Variants in NTF3 observed in about 807,000 individuals in gnomAD.
NTF3 encodes the protein neurotrophin-3.
In NTF3, 8 loss-of-function variants were observed where a neutral mutation model predicts 26.3. The ratio of observed to expected loss-of-function variants is 0.30; its 90% CI spans 0.18 to 0.55. The LOEUF is 0.55. Among genes scored for constraint, NTF3 ranks in the 20% least tolerant of loss-of-function variants. The probability of loss-of-function intolerance (pLI) is 0.93; values close to 1 mark genes in which losing one functional copy is unlikely to be tolerated. For missense variants in NTF3, 276 were observed against 352.9 expected, an observed-to-expected ratio of 0.78 and a Z score of 1.75; for synonymous variants, 154 against 145.5, an observed-to-expected ratio of 1.06 and a Z score of -0.42.
intron 1 of NTF3, among the ~76,000 whole-genome samples, chr12:5,438,459 G>T (rs1004129624): frequency 1.3e-5 from 2 of 152,186 alleles, no homozygotes; most frequent in Admixed American, 6.5e-5. Flanking sequence ...TGACCGTGAT[G>T]TCATTGAAAC....
intron 1 of NTF3, among the ~76,000 whole-genome samples, chr12:5,452,664 T>C (rs945591480): frequency 6.6e-6 from 1 of 152,108 alleles, no homozygotes; most frequent in African/African-American, 2.4e-5. Flanking sequence ...CAGCTCTGAG[T>C]GGGGAGCCGG....
At chr12:5,441,694 A>G (rs1456055150) in intron 1 of NTF3, among the ~76,000 whole-genome samples, 3 of 152,214 alleles carry the variant, frequency 2.0e-5, no homozygotes. Flanking sequence ...ATGCGTGACC[A>G]GCCATTGTGA....
intron 1 of NTF3, among the ~76,000 whole-genome samples, chr12:5,486,683 T>C (rs1206565975): frequency 6.6e-6 from 1 of 152,230 alleles, no homozygotes; most frequent in Non-Finnish European, 1.5e-5. Context: ...CAGCTGCCTA[T>C]GTCGCTGAAG....
intron 1 of NTF3, among the ~76,000 whole-genome samples, chr12:5,434,472 AGTGTGTGT>A (rs59874216): frequency 4.3e-4 from 61 of 142,786 alleles, no homozygotes; most frequent in Admixed American, 3.0e-3. Context: ...GTTTTTCCAA[AGTGTGTGT>A]GTGTGTGTGT....
intron 1 of NTF3, among the ~76,000 whole-genome samples, chr12:5,442,494 G>A (rs1293462232): frequency 6.6e-6 from 1 of 152,064 alleles, no homozygotes; most frequent in Non-Finnish European, 1.5e-5. Context: ...GCATGGTGGG[G>A]GTGAGTCCAC....
At position 5,494,793 on chromosome 12, in the gene NTF3, G is replaced by T; in HGVS notation, c.618G>T (p.Thr206=). 1 of 1,614,116 alleles carries T rather than the reference G, an allele frequency of 6.2e-7. No individual in the cohort carries two copies. Among genetic ancestry groups the T allele is most frequent in the Non-Finnish European group, 8.5e-7 (1 of 1,180,020 alleles). Residue 206 remains threonine, a synonymous_variant, in exon 2 of 2, where the codon ACG becomes ACT. Transcript: ENST00000423158. The surrounding 1 kb of genome is among the most constrained non-coding windows in gnomAD (Gnocchi z 8.3). Reference sequence around the variant, plus strand: ...CCGTCAAACAATATTTTTATGAAACGCGATGTAAGGAAGCCAGGCCGGTCA... The same window carrying T: ...CCGTCAAACAATATTTTTATGAAACTCGATGTAAGGAAGCCAGGCCGGTCA... ...NSPVKQYFYE[T]RCKEARPVKN...
chr12:5,480,355 G>C (rs1940774149), intron 1 of NTF3, among the ~76,000 whole-genome samples: 1 of 152,204 alleles, frequency 6.6e-6, no homozygotes, highest in Non-Finnish European at 1.5e-5. Context: ...CGGGAGGAGG[G>C]GGAGCTGGGT....
At chr12:5,435,015 C>T (rs1441279742) in intron 1 of NTF3, among the ~76,000 whole-genome samples, 1 of 152,048 alleles carries the variant, frequency 6.6e-6, no homozygotes, top group Admixed American at 6.5e-5. Context: ...GTTTGCCTCC[C>T]CCCTCCTTCC....
In NTF3 at chr12:5,494,387, A is replaced by G; in HGVS notation, c.212A>G (p.Asn71Ser). The part of the protein sequence containing the change: ...LSKQMVDVKE[N>S]YQSTLPKAEA... The stretch of plus-strand genomic sequence containing the variant: ...AAGCAGATGGTGGACGTTAAGGAAA[A>G]TTACCAGAGCACCCTGCCCAAAGCT... Residue 71 changes from asparagine to serine, a missense_variant, in exon 2 of 2, where the codon AAT becomes AGT. This residue lies in a region of NTF3 where 221 missense variants were observed against 258.2 expected (regional missense o/e 0.86). Coordinates refer to ENST00000423158, the MANE Select transcript of NTF3 (RefSeq NM_001102654.2). This position sits in a 1 kb window ranked among gnomAD's most constrained non-coding sequence, Gnocchi z 8.3. 6.2e-7 allele frequency: 1 copy of G among 1,613,956 alleles called. No individual in the cohort carries two copies.
chr12:5,494,716 A>G lies in NTF3; in HGVS notation c.541A>G (p.Ile181Val). ...WVTDKSSAID[I>V]RGHQVTVLGE... ...GACCGACAAGTCATCGGCCATCGAC[A>G]TTCGGGGACACCAGGTCACGGTGCT... Residue 181 changes from isoleucine to valine, a missense_variant, in exon 2 of 2, where the codon ATT becomes GTT. By Grantham distance (29) the Ile-to-Val change is conservative. Transcript: ENST00000423158. This position sits in a 1 kb window ranked among gnomAD's most constrained non-coding sequence, Gnocchi z 8.3. 1 of 1,614,192 alleles carries G rather than the reference A, an allele frequency of 6.2e-7. No individual in the cohort carries two copies. Among genetic ancestry groups the G allele is most frequent in the Non-Finnish European group, 8.5e-7 (1 of 1,180,040 alleles).
chr12:5,439,527 CA>C (rs1940212354), intron 1 of NTF3, among the ~76,000 whole-genome samples: 1 of 152,170 alleles, frequency 6.6e-6, no homozygotes, highest in Admixed American at 6.5e-5. Flanking sequence ...ATGTGCAAGA[CA>C]AATGTTTAGG....
intron 1 of NTF3, among the ~76,000 whole-genome samples, chr12:5,455,471 A>G (rs1940431707): frequency 6.6e-6 from 1 of 151,032 alleles, no homozygotes; most frequent in African/African-American, 2.4e-5. Flanking sequence ...CTTGGACTCC[A>G]GGAGTCCTGT....
chr12:5,448,055 C>A (rs1347689983), intron 1 of NTF3, among the ~76,000 whole-genome samples: 4 of 152,228 alleles, frequency 2.6e-5, no homozygotes. Context: ...CCTACTTCGT[C>A]CCCAGCTGCT....
Position 5,444,450 on chromosome 12 carries a change from G to T in NTF3, c.18+12108G>T, listed in dbSNP as rs145944522. Among the ~76,000 whole-genome samples, 24 of 152,332 alleles carry T rather than the reference G, an allele frequency of 1.6e-4. No homozygotes were observed. In the East Asian group the frequency reaches 4.0e-3, roughly 26 times the overall value. ...TGGGAAGTAACTAGGAAACTTCCTG[G>T]TGACCTGAGATGTGTTTTGTAATCA... On this transcript the variant is annotated intron_variant, in intron 1 of 1. Transcript: ENST00000423158.
chr12:5,463,622 AG>A (rs764269270), intron 1 of NTF3, among the ~76,000 whole-genome samples: 2 of 152,176 alleles, frequency 1.3e-5, no homozygotes, highest in Non-Finnish European at 2.9e-5. Context: ...CAAATTATTA[AG>A]GATGGATTTA....
chr12:5,449,262 C>T lies in NTF3; in HGVS notation c.18+16920C>T, dbSNP rs183297783. Among the ~76,000 whole-genome samples, 5 of 152,278 alleles carry T rather than the reference C, an allele frequency of 3.3e-5. No homozygotes were observed. The South Asian group carries it at 6.2e-4, about 19-fold the overall frequency. ...TGAAAGGGAGGGAGTGTACACAGAG[C>T]GTTAATAGGAGCTCTGTCTCGAGGC... is the stretch of plus-strand genomic sequence containing the variant. On this transcript the variant is annotated intron_variant, in intron 1 of 1. Coordinates refer to ENST00000423158, the MANE Select transcript of NTF3 (RefSeq NM_001102654.2).
chr12:5,461,850 C>A (rs1374830388), intron 1 of NTF3, among the ~76,000 whole-genome samples: 2 of 152,104 alleles, frequency 1.3e-5, no homozygotes, highest in African/African-American at 4.8e-5. Context: ...CCATGCTGAT[C>A]CACGACTCTT....
At chr12:5,447,294 A>G (rs1167953980) in intron 1 of NTF3, among the ~76,000 whole-genome samples, 1 of 152,246 alleles carries the variant, frequency 6.6e-6, no homozygotes. Context: ...AATCTAGAAC[A>G]TGTTTGCAAG....
Position 5,432,179 on chromosome 12 carries a change from A to G in NTF3, c.-146A>G. 3.2e-6 allele frequency: 3 copies of G among 942,642 alleles called. No homozygotes were observed. Among genetic ancestry groups the G allele is most frequent in the Non-Finnish European group, 5.1e-6 (3 of 592,308 alleles). 58.4% of individuals were successfully genotyped at this position (942,642 alleles called of 1,614,324 possible). On this transcript the variant is annotated 5_prime_UTR_variant, in exon 1 of 2. Transcript: ENST00000423158. ...CCCCGCGACGCAGCCCGGCGCAACT[A>G]CTTTCTTCTCTCTCCTTTCTTTCTT...
Sources: gnomAD v4.1 joint callset for allele counts (sites outside exome capture counted in the v4.1 genomes callset) on GRCh38, gnomAD v4.1.1 for gene constraint, gnomAD v4.1.1 regional missense constraint, Gnocchi (gnomAD v3.1) non-coding constraint, MANE v1.5 for transcripts, NCBI Gene and HGNC (gene_info 2026-07-23, HGNC 2026-07-21) for gene names.